PTPRD: variants seen among roughly 807,000 people sequenced by gnomAD.
The protein encoded by PTPRD is protein tyrosine phosphatase receptor type D, also known as receptor-type tyrosine-protein phosphatase delta.
PTPRD carries 34 observed loss-of-function variants against 214.5 expected under a neutral mutation model. The observed-to-expected ratio is 0.16, with a 90% CI of 0.12 to 0.21. The LOEUF (loss-of-function observed/expected upper bound fraction) is 0.21, where lower values mean the gene tolerates loss of function less well. PTPRD is among the 10% of genes least tolerant of loss of function. PTPRD has a pLI of 1.00. For missense variants in PTPRD, 2,545 were observed against 2,398.7 expected (o/e 1.06, Z -1.27); for synonymous variants, 1,128 against 845.7 (o/e 1.33, Z -5.79).
At chr9:8,824,170 C>T (rs772876535) in intron 11 of PTPRD, among the ~76,000 whole-genome samples, 12 of 152,142 alleles carry the variant, frequency 7.9e-5, no homozygotes, top group Non-Finnish European at 1.0e-4. Flanking sequence ...TTTATCTTAT[C>T]CTGTGACTTA....
intron 11 of PTPRD, among the ~76,000 whole-genome samples, chr9:8,927,914 A>G (rs528179040): frequency 2.6e-5 from 4 of 152,238 alleles, no homozygotes; most frequent in Non-Finnish European, 2.9e-5. Flanking sequence ...CTGGCATGAC[A>G]TGGTATCTCA....
chr9:9,889,352 C>A (rs929057011), intron 5 of PTPRD, among the ~76,000 whole-genome samples: 9 of 151,914 alleles, frequency 5.9e-5, no homozygotes, highest in African/African-American at 2.2e-4. Flanking sequence ...ATATATGCTT[C>A]AAAACATCAT....
At chr9:8,476,519 C>G (rs2096768800) in intron 30 of PTPRD, among the ~76,000 whole-genome samples, 1 of 152,110 alleles carries the variant, frequency 6.6e-6, no homozygotes, top group South Asian at 2.1e-4. Flanking sequence ...TTCTGTCACT[C>G]CCACCTAGTT....
At chr9:9,731,334 T>C (rs1389940145) in intron 7 of PTPRD, among the ~76,000 whole-genome samples, 1 of 152,150 alleles carries the variant, frequency 6.6e-6, no homozygotes, top group Non-Finnish European at 1.5e-5. Context: ...TGGCACTCAG[T>C]TTTGTAGAGT....
chr9:8,524,698 T>A, intron 18 of PTPRD: 1 of 628,948 alleles, frequency 1.6e-6, no homozygotes, highest in East Asian at 2.8e-5. Flanking sequence ...AATGCAAATA[T>A]ACTTACAAAC....
chr9:9,883,402 C>A (rs565703143), intron 5 of PTPRD, among the ~76,000 whole-genome samples: 1 of 152,164 alleles, frequency 6.6e-6, no homozygotes, highest in Admixed American at 6.6e-5. Flanking sequence ...TAGAAACCAA[C>A]ATTCAAAAGA....
chr9:10,480,603 TTA>T (rs1400360639), intron 2 of PTPRD, among the ~76,000 whole-genome samples: 1 of 152,028 alleles, frequency 6.6e-6, no homozygotes, highest in Admixed American at 6.6e-5. Context: ...TTGAAAAATA[TTA>T]TCTCAAAGAA....
intron 5 of PTPRD, among the ~76,000 whole-genome samples, chr9:9,798,183 A>G (rs1434188349): frequency 6.6e-6 from 1 of 151,982 alleles, no homozygotes; most frequent in Non-Finnish European, 1.5e-5. Context: ...ATTTTCTTCG[A>G]TAACATTGTA....
intron 11 of PTPRD, among the ~76,000 whole-genome samples, chr9:8,793,434 C>T (rs999228368): frequency 3.3e-5 from 5 of 152,344 alleles, no homozygotes; most frequent in African/African-American, 1.2e-4. Context: ...GCAGCCCCAT[C>T]TAACATTCTG....
At chr9:8,916,073 A>G (rs1193464290) in intron 11 of PTPRD, among the ~76,000 whole-genome samples, 1 of 152,160 alleles carries the variant, frequency 6.6e-6, no homozygotes, top group East Asian at 1.9e-4. Context: ...TTTATATCAA[A>G]GATCAGAAAT....
chr9:8,978,030 G>T (rs926904931), intron 11 of PTPRD, among the ~76,000 whole-genome samples: 4 of 152,104 alleles, frequency 2.6e-5, no homozygotes, highest in Non-Finnish European at 5.9e-5. Context: ...CAAGCAAAGT[G>T]TTGGCAGGGA....
intron 9 of PTPRD, among the ~76,000 whole-genome samples, chr9:9,386,796 T>C (rs2064014881): frequency 6.6e-6 from 1 of 152,118 alleles, no homozygotes; most frequent in Non-Finnish European, 1.5e-5. Context: ...GGTTATAGTT[T>C]ATAGGTCTGA....
intron 20 of PTPRD, 125 bp downstream of exon 20, chr9:8,521,152 T>G: frequency 8.7e-7 from 1 of 1,150,094 alleles, no homozygotes; most frequent in South Asian, 1.6e-5. Flanking sequence ...TATGATTAGG[T>G]TATACACACA....
chr9:9,254,019 C>T (rs906576731), intron 9 of PTPRD, among the ~76,000 whole-genome samples: 1 of 152,096 alleles, frequency 6.6e-6, no homozygotes, highest in African/African-American at 2.4e-5. Context: ...TGTCTCTCTT[C>T]ACCTCTGTGT....
intron 5 of PTPRD, among the ~76,000 whole-genome samples, chr9:9,810,269 G>C (rs150280868): frequency 6.6e-6 from 1 of 151,956 alleles, no homozygotes; most frequent in African/African-American, 2.4e-5. Context: ...TCAACTGCTT[G>C]TGTTATTGAT....
intron 9 of PTPRD, among the ~76,000 whole-genome samples, chr9:9,295,795 T>G (rs1251834945): frequency 6.6e-6 from 1 of 151,836 alleles, no homozygotes; most frequent in East Asian, 2.0e-4. Context: ...TGTCTGTGAC[T>G]CTGGTGCATC....
intron 33 of PTPRD, among the ~76,000 whole-genome samples, chr9:8,451,679 ATGGT>A (rs1425275804): frequency 3.3e-5 from 5 of 152,160 alleles, no homozygotes; most frequent in Non-Finnish European, 7.4e-5. Flanking sequence ...CGTGAAACAT[ATGGT>A]TGGTCTTCTC....
intron 3 of PTPRD, among the ~76,000 whole-genome samples, chr9:10,105,027 A>G (rs2098609857): frequency 6.6e-6 from 1 of 151,830 alleles, no homozygotes; most frequent in Non-Finnish European, 1.5e-5. Context: ...AATGCTTTAC[A>G]TTTCAGTCCA....
At chr9:9,650,764 C>T (rs1350949759) in intron 7 of PTPRD, among the ~76,000 whole-genome samples, 2 of 151,650 alleles carry the variant, frequency 1.3e-5, no homozygotes, top group African/African-American at 4.8e-5. Context: ...TGCACATGTA[C>T]CTCTGAACTT....
Sources: allele counts gnomAD v4.1 joint callset (sites outside exome capture counted in the v4.1 genomes callset), GRCh38; gene constraint gnomAD v4.1.1; transcripts MANE v1.5; gene names NCBI Gene and HGNC (gene_info 2026-07-23, HGNC 2026-07-21).